Variants in ITGB1 observed in about 807,000 individuals in gnomAD.
ITGB1 encodes integrin beta-1.
ITGB1 carries 24 observed loss-of-function variants against 86.5 expected under a neutral mutation model. That is an observed-to-expected ratio of 0.28 (90% CI 0.20 to 0.39). The LOEUF is 0.39. Ranked by LOEUF, ITGB1 falls within the 10% of genes least tolerant of loss-of-function variation. ITGB1 has a pLI of 1.00. For missense variants in ITGB1, 556 were observed against 946.9 expected (o/e 0.59, Z 5.42); for synonymous variants, 323 against 316.8 (o/e 1.02, Z -0.21).
chr10:32,941,319 T>C (rs1034466847), intron 1 of ITGB1, among the ~76,000 whole-genome samples: 4 of 152,178 alleles, frequency 2.6e-5, no homozygotes, highest in African/African-American at 9.7e-5. Context: ...ACTAGAAAAA[T>C]GTATGTTTTT....
At position 32,901,772 on chromosome 10, in the gene ITGB1, G is replaced by A. The variant is rs934228047; in HGVS notation, c.2332-137C>T. The A allele has an allele frequency of 1.5e-5, 9 of 600,730 alleles. No homozygotes were observed. In the African/African-American group the frequency reaches 1.5e-4, roughly 10 times the overall value. 37.2% of individuals were successfully genotyped at this position (600,730 alleles called of 1,614,324 possible). On this transcript the variant is annotated intron_variant, in intron 15 of 15. Transcript: ENST00000302278. ...TTTTATTTGTCCAGATATCACAGTTGTTTTAAAGGCATTAATAATGGTTTA... is the reference window on the plus strand; with the variant it reads ...TTTTATTTGTCCAGATATCACAGTTATTTTAAAGGCATTAATAATGGTTTA...
intron 1 of ITGB1, among the ~76,000 whole-genome samples, chr10:32,953,245 T>C (rs2095046008): frequency 6.6e-6 from 1 of 152,248 alleles, no homozygotes; most frequent in Non-Finnish European, 1.5e-5. Flanking sequence ...TGGTACAGTA[T>C]TTTATGGTAC....
chr10:32,944,371 G>GTGCGGCGTGGGCCT (rs2137255806), intron 1 of ITGB1: 1 of 228,140 alleles, frequency 4.4e-6, no homozygotes, highest in South Asian at 6.0e-5. Context: ...CCTTGTTCGG[G>GTGCGGCGTGGGCCT]TGCGGCGTGG....
intron 1 of ITGB1, among the ~76,000 whole-genome samples, chr10:32,951,011 G>A (rs1442329867): frequency 6.6e-6 from 1 of 152,094 alleles, no homozygotes; most frequent in Non-Finnish European, 1.5e-5. Flanking sequence ...AGTACGCATT[G>A]GCAAACAAAA....
At chr10:32,922,096 C>T (rs1025303596) in intron 9 of ITGB1, among the ~76,000 whole-genome samples, 161 bp downstream of exon 9, 15 of 152,120 alleles carry the variant, frequency 9.9e-5, no homozygotes, top group Non-Finnish European at 1.6e-4. Context: ...TTTTGTAAGA[C>T]AATATGTATA....
chr10:32,911,636 G>A lies in ITGB1; in HGVS notation c.1743C>T (p.Cys581=). 1 of 1,614,108 alleles carries A rather than the reference G, an allele frequency of 6.2e-7. No individual in the cohort carries two copies. Among genetic ancestry groups the A allele is most frequent in the Non-Finnish European group, 8.5e-7 (1 of 1,180,004 alleles). ...ATGCACTGCCAGTGTAGTTGGGGTT[G>A]CACTCACACACACGACACTTGCAAA... ...NGVCKCRVCE[C]NPNYTGSACD... Residue 581 remains cysteine (C), a synonymous_variant, in exon 13 of 16, where the codon TGC becomes TGT. Transcript: ENST00000302278.
At position 32,956,646 on chromosome 10, in the gene ITGB1, T is replaced by C. The variant is rs1201649244; in HGVS notation, c.-1+1499A>G. Among the ~76,000 whole-genome samples, 4 of 152,264 alleles carry C rather than the reference T, an allele frequency of 2.6e-5. No homozygotes were observed. The Middle Eastern group carries it at 0.01, about 388-fold the overall frequency. ...TAACTTAAGCCTCGGAGGTTGAGGC[T>C]GCAGTGAGCTGTGATGGCTCTTCTG... On this transcript the variant is annotated intron_variant, in intron 1 of 15. Coordinates refer to ENST00000302278, the MANE Select transcript of ITGB1 (RefSeq NM_002211.4).
chr10:32,919,160 A>ATC (rs2094941010), intron 11 of ITGB1, among the ~76,000 whole-genome samples: 2 of 152,346 alleles, frequency 1.3e-5, no homozygotes, highest in East Asian at 3.9e-4. Flanking sequence ...ATAGTGAGCT[A>ATC]AAGCCATATA....
intron 1 of ITGB1, among the ~76,000 whole-genome samples, chr10:32,938,164 G>A (rs918144136): frequency 6.6e-6 from 1 of 152,170 alleles, no homozygotes; most frequent in African/African-American, 2.4e-5. Context: ...TTCAAGGCCT[G>A]TCTAAAAGGT....
At position 32,928,150 on chromosome 10, in the gene ITGB1, CTTT is replaced by C; in HGVS notation, c.488_490del (p.Lys163del). On this transcript the variant is annotated inframe_deletion, in exon 5 of 16. Transcript: ENST00000302278. ...TTCATTCATCAGATCTGTTCCAAGA[CTTT>C]TTACATTCTCCAAATCGTCTTTCAT... 6.3e-7 allele frequency: 1 copy of C among 1,584,988 alleles called. No homozygotes were observed. The highest frequency in any genetic ancestry group is 2.2e-5 in the East Asian group (1 of 44,710).
chr10:32,942,962 G>A (rs7358035), intron 1 of ITGB1, among the ~76,000 whole-genome samples: 17,249 of 152,102 alleles, frequency 0.11, 1,113 homozygotes, highest in Admixed American at 0.21. Context: ...GCTGCAGTAA[G>A]CTATGATCAC....
At chr10:32,928,290 G>T in intron 4 of ITGB1, 26 bp from the exon 5 acceptor site, 1 of 811,058 alleles carries the variant, frequency 1.2e-6, no homozygotes, top group South Asian at 1.5e-5. Context: ...ATTAGAAAAT[G>T]AAACTTGCCT....
Position 32,929,872 on chromosome 10 carries a change from T to C in ITGB1, c.326A>G (p.Glu109Gly). 1 of 1,613,786 alleles carries C rather than the reference T, an allele frequency of 6.2e-7. No individual in the cohort carries two copies. The change falls in exon 4 of 16, where the codon GAG becomes GGG. Residue 109 changes from glutamate to glycine, a missense_variant. Glu to Gly is a moderately conservative substitution (Grantham distance 98). Transcript: ENST00000302278. ...CTGTGGTTGGATCTGAGTAATATCCTCTGGCTTGAGCTTCTCTGCTGTTCC... is the reference window on the plus strand; with the variant it reads ...CTGTGGTTGGATCTGAGTAATATCCCCTGGCTTGAGCTTCTCTGCTGTTCC... The part of the protein sequence containing the change: ...SKGTAEKLKP[E>G]DITQIQPQQL...
intron 4 of ITGB1, 51 bp from the exon 5 acceptor site, chr10:32,928,315 G>T: frequency 1.3e-6 from 1 of 751,192 alleles, no homozygotes; most frequent in South Asian, 1.7e-5. Flanking sequence ...GCAATCAAAC[G>T]CAAACGAGAA....
intron 15 of ITGB1, among the ~76,000 whole-genome samples, chr10:32,907,949 G>C (rs2094901749): frequency 6.6e-6 from 1 of 152,202 alleles, no homozygotes. Flanking sequence ...CTGCGAGTTG[G>C]ACAAGCTTGG....
intron 11 of ITGB1, among the ~76,000 whole-genome samples, chr10:32,918,959 T>C (rs913929073): frequency 6.6e-6 from 1 of 152,216 alleles, no homozygotes; most frequent in Non-Finnish European, 1.5e-5. Context: ...TCATGGACAC[T>C]GACTGCACTG....
At chr10:32,905,405 A>G (rs1314094489) in intron 15 of ITGB1, among the ~76,000 whole-genome samples, 2 of 152,250 alleles carry the variant, frequency 1.3e-5, no homozygotes, top group Non-Finnish European at 2.9e-5. Flanking sequence ...TCCATGTATT[A>G]AAGTGATTTC....
intron 1 of ITGB1, among the ~76,000 whole-genome samples, chr10:32,949,453 G>C (rs2095038559): frequency 6.6e-6 from 1 of 152,150 alleles, no homozygotes; most frequent in African/African-American, 2.4e-5. Context: ...TGTTCTATGA[G>C]TTTATTTCTT....
intron 4 of ITGB1, among the ~76,000 whole-genome samples, chr10:32,929,100 T>C (rs2094974823): frequency 6.6e-6 from 1 of 151,908 alleles, no homozygotes; most frequent in Non-Finnish European, 1.5e-5. Context: ...AAAAGAGGCC[T>C]GGAAGGCAAT....
Sources: allele counts gnomAD v4.1 joint callset (sites outside exome capture counted in the v4.1 genomes callset), GRCh38; gene constraint gnomAD v4.1.1; transcripts MANE v1.5; gene names NCBI Gene and HGNC (gene_info 2026-07-23, HGNC 2026-07-21).